Variants in FNDC3B observed in about 807,000 individuals in gnomAD.
FNDC3B encodes the protein fibronectin type III domain containing 3B, also known as fibronectin type III domain-containing protein 3B.
In FNDC3B, 12 loss-of-function variants were observed where a neutral mutation model predicts 151.5. The ratio of observed to expected loss-of-function variants is 0.08; its 90% confidence interval spans 0.05 to 0.13. FNDC3B has a LOEUF of 0.13. FNDC3B is among the 10% of genes least tolerant of loss of function. The pLI is 1.00. For missense variants in FNDC3B, 1,214 were observed against 1,505.3 expected, an observed-to-expected ratio of 0.81 and a Z score of 3.20; for synonymous variants, 528 against 549.0, an observed-to-expected ratio of 0.96 and a Z score of 0.54.
intron 4 of FNDC3B, among the ~76,000 whole-genome samples, chr3:172,234,681 A>G (rs1188245417): frequency 1.3e-5 from 2 of 152,246 alleles, no homozygotes; most frequent in Admixed American, 6.5e-5. Flanking sequence ...TAGGATTGAC[A>G]CAGTATCACA....
chr3:172,189,576 G>A (rs890273622), intron 3 of FNDC3B, among the ~76,000 whole-genome samples: 1 of 151,976 alleles, frequency 6.6e-6, no homozygotes, highest in African/African-American at 2.4e-5. Context: ...CACTTTGGGA[G>A]GCTGAGGCAG....
chr3:172,350,516 G>C (rs1733806960), intron 21 of FNDC3B, among the ~76,000 whole-genome samples: 1 of 152,266 alleles, frequency 6.6e-6, no homozygotes, highest in South Asian at 2.1e-4. Context: ...AATTTGTCAT[G>C]TTAAAATTTT....
At chr3:172,341,292 A>G (rs1733308133) in intron 17 of FNDC3B, 61 bp downstream of exon 17, 1 of 1,179,644 alleles carries the variant, frequency 8.5e-7, no homozygotes, top group East Asian at 2.3e-5. Context: ...AACTGTCTAT[A>G]ACATCAGAAG....
intron 1 of FNDC3B, among the ~76,000 whole-genome samples, chr3:172,106,976 A>G (rs574421353): frequency 6.6e-6 from 1 of 152,350 alleles, no homozygotes; most frequent in African/African-American, 2.4e-5. Flanking sequence ...ATGTCTTACT[A>G]ACAGTGAGGA....
chr3:172,127,116 A>C (rs1361943055), intron 2 of FNDC3B: 14 of 454,624 alleles, frequency 3.1e-5, no homozygotes, highest in African/African-American at 2.8e-4. Context: ...GATTTGGTAA[A>C]AAATTTTTCT....
chr3:172,086,265 T>C (rs1576848960), intron 1 of FNDC3B, among the ~76,000 whole-genome samples: 1 of 151,612 alleles, frequency 6.6e-6, no homozygotes, highest in Non-Finnish European at 1.5e-5. Flanking sequence ...GAGGCTAAGG[T>C]AGGAGGTTTG....
chr3:172,256,757 T>C (rs1467152323), intron 6 of FNDC3B, among the ~76,000 whole-genome samples: 1 of 152,204 alleles, frequency 6.6e-6, no homozygotes, highest in Non-Finnish European at 1.5e-5. Context: ...GCTAATATTG[T>C]TATAGAAATA....
At chr3:172,048,435 CATT>C (rs1196861320) in intron 1 of FNDC3B, among the ~76,000 whole-genome samples, 3 of 151,918 alleles carry the variant, frequency 2.0e-5, no homozygotes, top group African/African-American at 4.8e-5. Context: ...TAGAGGTAAA[CATT>C]ATTCTGAAGT....
intron 1 of FNDC3B, among the ~76,000 whole-genome samples, chr3:172,051,038 A>G (rs1294095292): frequency 2.0e-5 from 3 of 148,240 alleles, no homozygotes; most frequent in African/African-American, 7.5e-5. Flanking sequence ...TATCCTTGTT[A>G]TGTTCCAGAG....
At chr3:172,116,659 G>A (rs1019908077) in intron 2 of FNDC3B, among the ~76,000 whole-genome samples, 24 of 152,004 alleles carry the variant, frequency 1.6e-4, no homozygotes, top group African/African-American at 5.1e-4. Context: ...TCCACCTTCC[G>A]GGTTCAAGCA....
At chr3:172,135,394 A>G (rs1335765552) in intron 3 of FNDC3B, among the ~76,000 whole-genome samples, 2 of 152,076 alleles carry the variant, frequency 1.3e-5, no homozygotes, top group Admixed American at 6.5e-5. Flanking sequence ...TTGCAAGTAT[A>G]TTGCTCTCTT....
chr3:172,344,347 T>C, intron 19 of FNDC3B, 89 bp downstream of exon 19: 1 of 1,243,820 alleles, frequency 8.0e-7, no homozygotes, highest in Non-Finnish European at 1.1e-6. Context: ...CCTCCTGAAA[T>C]TTTTGACAGT....
At chr3:172,300,256 G>A (rs1730839320) in intron 9 of FNDC3B, among the ~76,000 whole-genome samples, 1 of 152,168 alleles carries the variant, frequency 6.6e-6, no homozygotes, top group African/African-American at 2.4e-5. Flanking sequence ...ACCAGAAAAT[G>A]TAAAAGTCAT....
intron 3 of FNDC3B, among the ~76,000 whole-genome samples, chr3:172,218,531 A>G (rs1479246524): frequency 6.6e-6 from 1 of 152,188 alleles, no homozygotes; most frequent in African/African-American, 2.4e-5. Flanking sequence ...ACACTGTGTG[A>G]ACCTCTTTGT....
chr3:172,093,445 A>G (rs1403695297), intron 1 of FNDC3B, among the ~76,000 whole-genome samples: 2 of 151,908 alleles, frequency 1.3e-5, no homozygotes, highest in African/African-American at 4.8e-5. Flanking sequence ...TTTTTAGTAG[A>G]GAAGGGGTTT....
chr3:172,133,373 C>A, intron 2 of FNDC3B, 98 bp from the exon 3 acceptor site: 1 of 910,570 alleles, frequency 1.1e-6, no homozygotes, highest in South Asian at 1.5e-5. Flanking sequence ...AGATTTTATG[C>A]CACATGCTTC....
chr3:172,285,932 A>C lies in FNDC3B; in HGVS notation c.797A>C (p.Glu266Ala), dbSNP rs1255006960. The change falls in exon 7 of 26, where the codon GAG becomes GCG. Residue 266 changes from glutamate to alanine, a missense_variant. By Grantham distance (107) the Glu-to-Ala change is moderately radical. This residue lies in a region of FNDC3B where 166 missense variants were observed against 173.2 expected (regional missense o/e 0.96). Transcript: ENST00000415807. Reference sequence around the variant, plus strand: ...TTTCTTTTTCGCAATGCAGAATATGAGTTGGAAGTAAAGAGGGTGCAAGAC... The same window carrying C: ...TTTCTTTTTCGCAATGCAGAATATGCGTTGGAAGTAAAGAGGGTGCAAGAC... Reference protein sequence around the residue: ...KSNDSDLQEYELEVKRVQDIL... With the variant: ...KSNDSDLQEYALEVKRVQDIL... 20 of 1,612,438 alleles carry C rather than the reference A, an allele frequency of 1.2e-5. No homozygotes were observed. The highest frequency in any genetic ancestry group is 1.7e-5 in the Non-Finnish European group (20 of 1,178,990).
chr3:172,330,364 G>A (rs190375564), intron 12 of FNDC3B, 177 bp from the exon 13 acceptor site: 2 of 521,430 alleles, frequency 3.8e-6, no homozygotes, highest in East Asian at 3.2e-5. Context: ...CATGGGGTGG[G>A]GGGATGGGGA....
chr3:172,333,097 T>C lies in FNDC3B; in HGVS notation c.1563T>C (p.Leu521=), dbSNP rs756419877. The C allele has an allele frequency of 1.2e-6, 2 of 1,611,418 alleles. 1 individual carries two copies. Among genetic ancestry groups the C allele is most frequent in the South Asian group, 2.2e-5 (2 of 91,060 alleles). ...TGGCTTTGCCTTTTCAGGATAACCT[T>C]TTCCACCCAAAATACACTGGAGAGG... ...LEIQEDENDN[L]FHPKYTGEDL... is the part of the protein sequence containing the mutation. The change falls in exon 14 of 26, where the codon CTT becomes CTC. Residue 521 remains leucine, a synonymous_variant. Coordinates refer to ENST00000415807, the MANE Select transcript of FNDC3B (RefSeq NM_022763.4).
Sources: allele counts gnomAD v4.1 joint callset (sites outside exome capture counted in the v4.1 genomes callset), GRCh38; gene constraint gnomAD v4.1.1; regional missense constraint gnomAD v4.1.1; transcripts MANE v1.5; gene names NCBI Gene and HGNC (gene_info 2026-07-23, HGNC 2026-07-21).